Variants in MYO9A observed in about 807,000 individuals in gnomAD.
MYO9A encodes myosin IXA.
In MYO9A, 103 loss-of-function variants were observed where a neutral mutation model predicts 293.3. The ratio of observed to expected loss-of-function variants is 0.35; its 90% confidence interval spans 0.30 to 0.41. MYO9A has a LOEUF of 0.41. Ranked by LOEUF, MYO9A falls within the 10% of genes least tolerant of loss-of-function variation. The pLI is 1.00. For missense variants in MYO9A, 2,685 were observed against 3,033.0 expected (o/e 0.89, Z 2.69); for synonymous variants, 1,001 against 1,035.7 (o/e 0.97, Z 0.64).
intron 1 of MYO9A, among the ~76,000 whole-genome samples, chr15:72,066,851 C>A (rs1567002417): frequency 6.6e-6 from 1 of 151,050 alleles, no homozygotes; most frequent in African/African-American, 2.4e-5. Flanking sequence ...CCAGCCTGGG[C>A]AACAAACAGC....
At chr15:72,014,222 G>A (rs921615164) in intron 6 of MYO9A, among the ~76,000 whole-genome samples, 1 of 152,198 alleles carries the variant, frequency 6.6e-6, no homozygotes, top group Admixed American at 6.5e-5. Flanking sequence ...GGTGAAGCTT[G>A]TTAATAGTGT....
chr15:72,096,285 T>C (rs1039001102), intron 1 of MYO9A, among the ~76,000 whole-genome samples: 2 of 151,844 alleles, frequency 1.3e-5, no homozygotes, highest in African/African-American at 4.8e-5. Context: ...CTGTAGTTAG[T>C]TGAGATCACA....
At chr15:72,066,733 T>G (rs537199447) in intron 1 of MYO9A, among the ~76,000 whole-genome samples, 1 of 152,046 alleles carries the variant, frequency 6.6e-6, no homozygotes, top group Non-Finnish European at 1.5e-5. Flanking sequence ...TGTAAGAAAT[T>G]TTTAACTGTA....
intron 8 of MYO9A, among the ~76,000 whole-genome samples, chr15:72,004,833 A>G (rs1474361843): frequency 6.6e-6 from 1 of 152,228 alleles, no homozygotes; most frequent in Admixed American, 6.5e-5. Context: ...AAATAACTGA[A>G]AAGTAAATAA....
In MYO9A at chr15:71,879,769, C is replaced by T. The variant is rs754729280; in HGVS notation, c.5691G>A (p.Leu1897=). Residue 1897 remains leucine, a synonymous_variant, in exon 30 of 42, where the codon CTG becomes CTA. Coordinates refer to ENST00000356056, the MANE Select transcript of MYO9A (RefSeq NM_006901.4). ...TGAAGATATTCTGCCGAAATTCCTT[C>T]AGGGCTTTTTTAAATACAACATCCA... is the stretch of plus-strand genomic sequence containing the variant. ...TLVDVVFKKA[L]KEFRQNIFSF... is the part of the protein sequence containing the mutation. The T allele has an allele frequency of 1.9e-6, 3 of 1,613,850 alleles. No individual in the cohort carries two copies. The highest frequency in any genetic ancestry group is 2.2e-5 in the South Asian group (2 of 91,074).
intron 25 of MYO9A, 27 bp from the exon 26 acceptor site, chr15:71,893,805 T>A (rs977778616): frequency 1.9e-6 from 3 of 1,583,866 alleles, no homozygotes; most frequent in Non-Finnish European, 2.6e-6. Flanking sequence ...GAAATTACAT[T>A]TCAGTTCTTA....
At chr15:72,083,362 T>C (rs1351519119) in intron 1 of MYO9A, among the ~76,000 whole-genome samples, 1 of 152,204 alleles carries the variant, frequency 6.6e-6, no homozygotes, top group Non-Finnish European at 1.5e-5. Context: ...TCAGTGGTAA[T>C]AGCCCTTTTG....
intron 4 of MYO9A, among the ~76,000 whole-genome samples, chr15:72,023,133 T>G (rs2077553774): frequency 6.6e-6 from 1 of 151,632 alleles, no homozygotes. Context: ...AATTCTGGAG[T>G]TGAAAAATAT....
At chr15:72,087,420 T>C (rs1314113657) in intron 1 of MYO9A, among the ~76,000 whole-genome samples, 1 of 152,162 alleles carries the variant, frequency 6.6e-6, no homozygotes, top group African/African-American at 2.4e-5. Flanking sequence ...TGCTTGAGAA[T>C]CAAGCAGCTC....
chr15:71,939,458 G>A lies in MYO9A; in HGVS notation c.2303-531C>T, dbSNP rs1347498396. 9.2e-5 allele frequency among the ~76,000 whole-genome samples: 14 copies of A among 152,250 alleles called. No homozygotes were observed. The East Asian group carries it at 2.7e-3, about 29-fold the overall frequency. Reference sequence around the variant, plus strand: ...TTATAAGTGAGAATATGCAGTATTTGGTTTTCTGTTCCTGCATTTAGTTTG... The same window carrying A: ...TTATAAGTGAGAATATGCAGTATTTAGTTTTCTGTTCCTGCATTTAGTTTG... On this transcript the variant is annotated intron_variant, in intron 15 of 41. Coordinates refer to ENST00000356056, the MANE Select transcript of MYO9A (RefSeq NM_006901.4).
intron 14 of MYO9A, among the ~76,000 whole-genome samples, chr15:71,957,716 T>A (rs920049795): frequency 5.3e-5 from 8 of 152,160 alleles, no homozygotes; most frequent in African/African-American, 9.7e-5. Context: ...ACAGGTTCTG[T>A]GGAAAACCTT....
At chr15:71,867,724 G>A (rs111240804) in intron 32 of MYO9A, among the ~76,000 whole-genome samples, 2,801 of 150,822 alleles carry the variant, frequency 0.019, 91 homozygotes, top group African/African-American at 0.065. Flanking sequence ...TTATTACAGA[G>A]AAATGAAGCA....
chr15:71,895,649 A>C (rs1010452232), intron 25 of MYO9A, among the ~76,000 whole-genome samples: 1 of 152,138 alleles, frequency 6.6e-6, no homozygotes, highest in Non-Finnish European at 1.5e-5. Flanking sequence ...TATTACTTAT[A>C]CAACAGGATG....
At position 72,039,748 on chromosome 15, in the gene MYO9A, G is replaced by C. The variant is rs567052324; in HGVS notation, c.840+5976C>G. ...AGAGGCTGAGACAGGAGAATCGCTT[G>C]ATCCCGGCAAGTGGAGGTTGCAGTG... On this transcript the variant is annotated intron_variant, in intron 2 of 41. Transcript: ENST00000356056. Among the ~76,000 whole-genome samples, 13 of 152,302 alleles carry C rather than the reference G, an allele frequency of 8.5e-5. No individual in the cohort carries two copies. In the South Asian group the frequency reaches 2.3e-3, roughly 27 times the overall value.
chr15:71,916,362 GA>G lies in MYO9A; in HGVS notation c.2685+7del. Reference sequence around the variant, plus strand: ...TTCTTATTTGTTTTAAGCGAAACAAGAAATAACCTGAAACTGGGCACTGATG... The same window carrying G: ...TTCTTATTTGTTTTAAGCGAAACAAGAATAACCTGAAACTGGGCACTGATG... On this transcript the variant is annotated splice_region_variant and intron_variant, in intron 19 of 41. Coordinates refer to ENST00000356056, the MANE Select transcript of MYO9A (RefSeq NM_006901.4). The G allele has an allele frequency of 6.2e-7, 1 of 1,604,904 alleles. No individual in the cohort carries two copies. The highest frequency in any genetic ancestry group is 8.5e-7 in the Non-Finnish European group (1 of 1,177,696).
At chr15:72,035,369 G>GTCCACCAAC (rs2149480096) in intron 2 of MYO9A, among the ~76,000 whole-genome samples, 1 of 96,356 alleles carries the variant, frequency 1.0e-5, no homozygotes, top group African/African-American at 3.4e-5. Context: ...TGAAAATAAC[G>GTCCACCAAC]AAATGTCCAC....
chr15:71,867,031 T>C (rs113455529), intron 32 of MYO9A, among the ~76,000 whole-genome samples: 67 of 151,792 alleles, frequency 4.4e-4, no homozygotes, highest in African/African-American at 1.5e-3. Context: ...CACTCCAGCC[T>C]TGGCAACAGA....
At chr15:72,068,580 C>T (rs1257631391) in intron 1 of MYO9A, among the ~76,000 whole-genome samples, 1 of 152,068 alleles carries the variant, frequency 6.6e-6, no homozygotes, top group African/African-American at 2.4e-5. Flanking sequence ...ATCCTCCCAC[C>T]TCAGCCCCCC....
At chr15:72,083,981 TAG>T (rs2079633203) in intron 1 of MYO9A, among the ~76,000 whole-genome samples, 1 of 152,202 alleles carries the variant, frequency 6.6e-6, no homozygotes, top group African/African-American at 2.4e-5. Flanking sequence ...TGTTTTGGGG[TAG>T]AGAGTTCTGT....
Sources: gnomAD v4.1 joint callset for allele counts (sites outside exome capture counted in the v4.1 genomes callset) on GRCh38, gnomAD v4.1.1 for gene constraint, MANE v1.5 for transcripts, NCBI Gene and HGNC (gene_info 2026-07-23, HGNC 2026-07-21) for gene names.